Variants in NBEA observed in about 807,000 individuals in gnomAD.
NBEA encodes the protein neurobeachin.
In NBEA, 44 loss-of-function variants were observed where a neutral mutation model predicts 343.4. The observed-to-expected ratio is 0.13, with a 90% CI of 0.10 to 0.16. The LOEUF (loss-of-function observed/expected upper bound fraction) is 0.16, where lower values mean the gene tolerates loss of function less well. Among genes scored for constraint, NBEA ranks in the 10% least tolerant of loss-of-function variants. NBEA has a pLI of 1.00. For missense variants in NBEA, 2,555 were observed against 3,631.3 expected, an observed-to-expected ratio of 0.70 and a Z score of 7.62; for synonymous variants, 1,175 against 1,238.7, an observed-to-expected ratio of 0.95 and a Z score of 1.08.
At chr13:34,960,485 A>C (rs1333159771) in intron 1 of NBEA, among the ~76,000 whole-genome samples, 2 of 152,034 alleles carry the variant, frequency 1.3e-5, no homozygotes, top group Non-Finnish European at 2.9e-5. Context: ...GTAATGTCCT[A>C]GGCCTTCACA....
intron 38 of NBEA, among the ~76,000 whole-genome samples, chr13:35,383,789 G>A (rs548627557): frequency 6.6e-6 from 1 of 152,044 alleles, no homozygotes; most frequent in Non-Finnish European, 1.5e-5. Flanking sequence ...CTCGATGACA[G>A]GAATAATGTT....
intron 43 of NBEA, among the ~76,000 whole-genome samples, chr13:35,554,151 T>C (rs2079474053): frequency 6.6e-6 from 1 of 152,186 alleles, no homozygotes; most frequent in African/African-American, 2.4e-5. Flanking sequence ...AGCTACTCAG[T>C]TGTTAAGATG....
At chr13:35,158,415 C>G (rs1489162216) in intron 21 of NBEA, among the ~76,000 whole-genome samples, 1 of 151,320 alleles carries the variant, frequency 6.6e-6, no homozygotes, top group Non-Finnish European at 1.5e-5. Context: ...TTGAAAATAG[C>G]AAAGAAAAAG....
intron 10 of NBEA, among the ~76,000 whole-genome samples, chr13:35,073,213 TTA>T (rs2063952383): frequency 6.6e-6 from 1 of 152,168 alleles, no homozygotes. Context: ...TGATAGAATT[TTA>T]TGTTTTATGG....
At chr13:35,606,902 G>A (rs2082302836) in intron 48 of NBEA, among the ~76,000 whole-genome samples, 1 of 152,030 alleles carries the variant, frequency 6.6e-6, no homozygotes, top group Admixed American at 6.6e-5. Flanking sequence ...CTATTTCTTA[G>A]TTTTATCTAC....
intron 40 of NBEA, among the ~76,000 whole-genome samples, chr13:35,459,124 G>A (rs2046770833): frequency 6.7e-6 from 1 of 149,226 alleles, no homozygotes; most frequent in Non-Finnish European, 1.5e-5. Context: ...TCTACTAAAA[G>A]GCTCTCTGAA....
chr13:35,121,225 T>C (rs73500422), intron 16 of NBEA, among the ~76,000 whole-genome samples: 16,615 of 152,014 alleles, frequency 0.11, 1,104 homozygotes, highest in African/African-American at 0.17. Context: ...ATGCCTTAGC[T>C]TCCCAAGTAA....
At chr13:35,477,975 A>C (rs2075952425) in intron 41 of NBEA, among the ~76,000 whole-genome samples, 1 of 152,168 alleles carries the variant, frequency 6.6e-6, no homozygotes, top group African/African-American at 2.4e-5. Flanking sequence ...GTGGTTTTTA[A>C]AACTAGGTGG....
chr13:35,085,527 T>C (rs1026275176), intron 10 of NBEA, among the ~76,000 whole-genome samples: 2 of 152,080 alleles, frequency 1.3e-5, no homozygotes, highest in Admixed American at 6.6e-5. Context: ...TTGACAAAAT[T>C]CAACAACCTT....
intron 1 of NBEA, among the ~76,000 whole-genome samples, chr13:34,961,567 C>G (rs1283174169): frequency 6.6e-6 from 1 of 151,934 alleles, no homozygotes; most frequent in African/African-American, 2.4e-5. Flanking sequence ...GTCACATATC[C>G]ATTTTATCCC....
At chr13:34,989,874 G>C (rs544694685) in intron 1 of NBEA, among the ~76,000 whole-genome samples, 4 of 150,954 alleles carry the variant, frequency 2.6e-5, no homozygotes, top group Non-Finnish European at 5.9e-5. Context: ...ACAGGCATTG[G>C]GCAAATGTTC....
intron 48 of NBEA, among the ~76,000 whole-genome samples, chr13:35,613,361 C>T (rs2082604631): frequency 6.6e-6 from 1 of 151,050 alleles, no homozygotes; most frequent in Non-Finnish European, 1.5e-5. Context: ...ATCCATGTTG[C>T]CACAAATGAC....
intron 1 of NBEA, among the ~76,000 whole-genome samples, chr13:35,033,061 G>A (rs1381797827): frequency 6.6e-6 from 1 of 151,434 alleles, no homozygotes; most frequent in Non-Finnish European, 1.5e-5. Context: ...GTGGGGTATT[G>A]CTGGTGAAAT....
chr13:35,627,365 C>T (rs941503435), intron 48 of NBEA, among the ~76,000 whole-genome samples: 1 of 152,168 alleles, frequency 6.6e-6, no homozygotes, highest in African/African-American at 2.4e-5. Flanking sequence ...TTTCACGGAC[C>T]TGAGCAAGAC....
chr13:35,200,907 G>C (rs369505689), intron 31 of NBEA, among the ~76,000 whole-genome samples: 1 of 151,816 alleles, frequency 6.6e-6, no homozygotes, highest in Admixed American at 6.6e-5. Flanking sequence ...TAAAAATATT[G>C]AGTAGAGTTA....
At chr13:35,244,796 G>C (rs1429099553) in intron 34 of NBEA, among the ~76,000 whole-genome samples, 5 of 151,976 alleles carry the variant, frequency 3.3e-5, no homozygotes, top group Non-Finnish European at 5.9e-5. Context: ...ATTTCCTTCA[G>C]CAGTGTTTTG....
rs896957604 is a variant in NBEA, at chr13:35,655,826, A to T, written c.8362+77A>T. The stretch of plus-strand genomic sequence containing the variant: ...ATTTTGCCTTTTTGATTTTCCTAAT[A>T]GTTTTTTCCTGAGGTGTAAGGATTT... On this transcript the variant is annotated intron_variant, in intron 55 of 58. Coordinates refer to ENST00000379939, the MANE Select transcript of NBEA (RefSeq NM_001385012.1). The T allele has an allele frequency of 5.1e-6, 7 of 1,366,166 alleles. No homozygotes were observed. The Admixed American group carries it at 1.6e-4, about 32-fold the overall frequency. 84.6% of individuals were successfully genotyped at this position (1,366,166 alleles called of 1,614,324 possible). A position where few individuals can be genotyped will look rare whatever the true frequency, so the allele number is the denominator to read the frequency against.
intron 38 of NBEA, among the ~76,000 whole-genome samples, chr13:35,399,577 T>C (rs2042901280): frequency 1.3e-5 from 2 of 152,098 alleles, no homozygotes; most frequent in East Asian, 1.9e-4. Context: ...GGGATTACAA[T>C]TGGAGATGAG....
At chr13:35,425,376 C>T (rs1321470236) in intron 38 of NBEA, among the ~76,000 whole-genome samples, 2 of 152,172 alleles carry the variant, frequency 1.3e-5, no homozygotes, top group African/African-American at 4.8e-5. Context: ...CAAAGAACAT[C>T]TTTATTTCTG....
Sources: gnomAD v4.1 joint callset for allele counts (sites outside exome capture counted in the v4.1 genomes callset) on GRCh38, gnomAD v4.1.1 for gene constraint, MANE v1.5 for transcripts, NCBI Gene and HGNC (gene_info 2026-07-23, HGNC 2026-07-21) for gene names.